Variants in RB1 observed in about 807,000 individuals in gnomAD.
RB1 encodes retinoblastoma-associated protein.
RB1 carries 18 observed loss-of-function variants against 135.4 expected under a neutral mutation model. The observed-to-expected ratio is 0.13, with a 90% CI of 0.09 to 0.20. RB1 has a LOEUF of 0.20. Ranked by LOEUF, RB1 falls within the 10% of genes least tolerant of loss-of-function variation. The pLI, the probability that RB1 is intolerant of heterozygous loss-of-function variation, is 1.00. For missense variants in RB1, 868 were observed against 1,110.0 expected, an observed-to-expected ratio of 0.78 and a Z score of 3.10; for synonymous variants, 365 against 373.2, an observed-to-expected ratio of 0.98 and a Z score of 0.25.
intron 23 of RB1, among the ~76,000 whole-genome samples, chr13:48,471,726 C>T (rs1427219305): frequency 6.6e-6 from 1 of 152,136 alleles, no homozygotes; most frequent in Admixed American, 6.5e-5. Flanking sequence ...AATAGCCAAT[C>T]TGCTAAACAA....
chr13:48,317,640 G>T, intron 2 of RB1: 1 of 499,680 alleles, frequency 2.0e-6, no homozygotes, highest in Non-Finnish European at 3.2e-6. Context: ...TGCTCGCTGA[G>T]AGCCCCTTGG....
At chr13:48,424,937 C>G (rs1303225399) in intron 17 of RB1, among the ~76,000 whole-genome samples, 1 of 151,954 alleles carries the variant, frequency 6.6e-6, no homozygotes, top group Non-Finnish European at 1.5e-5. Context: ...ACCTGTAATC[C>G]CAGCTACTCA....
rs1006267460 is a variant in RB1 at position 48,480,168 on chromosome 13, C to T, written c.*97C>T. The T allele has an allele frequency of 1.2e-5, 12 of 972,662 alleles. No individual in the cohort carries two copies. The highest frequency in any genetic ancestry group is 2.0e-5 in the Non-Finnish European group (12 of 612,756). The allele number at this position is 972,662 out of a possible 1,614,324, so 60.3% of individuals were successfully genotyped here. ...CTTTCCCAGGTTCTGTTTATGGCCACATTTAATATCTTCAGCTCTTTTTGT... is the reference window on the plus strand; with the variant it reads ...CTTTCCCAGGTTCTGTTTATGGCCATATTTAATATCTTCAGCTCTTTTTGT... On this transcript the variant is annotated 3_prime_UTR_variant, in exon 27 of 27. Coordinates refer to ENST00000267163, the MANE Select transcript of RB1 (RefSeq NM_000321.3).
intron 2 of RB1, chr13:48,317,601 C>T (rs1952197483): frequency 2.2e-6 from 1 of 451,162 alleles, no homozygotes. Context: ...CTCGTGAGCG[C>T]TGGTCTTTCT....
At chr13:48,353,622 C>A (rs1356904198) in intron 6 of RB1, among the ~76,000 whole-genome samples, 4 of 151,874 alleles carry the variant, frequency 2.6e-5, no homozygotes, top group Non-Finnish European at 5.9e-5. Context: ...ATACCAAAAC[C>A]AGATAAAGAC....
At chr13:48,394,101 G>T (rs1258873638) in intron 17 of RB1, among the ~76,000 whole-genome samples, 2 of 152,192 alleles carry the variant, frequency 1.3e-5, no homozygotes, top group African/African-American at 4.8e-5. Flanking sequence ...CCCACGGAGG[G>T]CAAGCTGAAG....
chr13:48,345,736 C>A (rs1168146519), intron 4 of RB1, among the ~76,000 whole-genome samples: 4 of 152,116 alleles, frequency 2.6e-5, no homozygotes, highest in Non-Finnish European at 5.9e-5. Context: ...ATGTTTCAGC[C>A]CTTAATTTGG....
chr13:48,442,899 A>G (rs1367331866), intron 17 of RB1, among the ~76,000 whole-genome samples: 2 of 152,182 alleles, frequency 1.3e-5, no homozygotes, highest in East Asian at 1.9e-4. Context: ...AAAATACCCA[A>G]CACCACAAAG....
At chr13:48,348,421 T>G (rs1952517101) in intron 5 of RB1, among the ~76,000 whole-genome samples, 2 of 151,828 alleles carry the variant, frequency 1.3e-5, no homozygotes, top group Admixed American at 1.3e-4. Context: ...TATCAATCTA[T>G]TAATTCCAAC....
At chr13:48,397,926 A>G (rs1356674639) in intron 17 of RB1, among the ~76,000 whole-genome samples, 5 of 152,190 alleles carry the variant, frequency 3.3e-5, no homozygotes, top group Admixed American at 1.3e-4. Flanking sequence ...CCTTTGGTGT[A>G]CTTTGCAGAA....
chr13:48,444,398 T>C (rs1295523270), intron 17 of RB1, among the ~76,000 whole-genome samples: 2 of 152,036 alleles, frequency 1.3e-5, no homozygotes, highest in Admixed American at 1.3e-4. Context: ...GCCCCTGTAG[T>C]CCCAGCTACT....
rs182335134 is a variant in RB1, at chr13:48,421,722, C to G, written c.1696-31271C>G. 5.5e-4 allele frequency among the ~76,000 whole-genome samples: 84 copies of G among 152,308 alleles called. 1 individual carries two copies. The East Asian group carries it at 8.9e-3, about 16-fold the overall frequency. ...AGTGGGTGAAGGATATGAACTGACA[C>G]TTCTCAAAAGAAGACATTTATGTGG... On this transcript the variant is annotated intron_variant, in intron 17 of 26. Transcript: ENST00000267163.
intron 9 of RB1, 85 bp from the exon 10 acceptor site, chr13:48,367,409 A>G (rs1383576256): frequency 2.1e-6 from 3 of 1,438,184 alleles, no homozygotes; most frequent in Non-Finnish European, 2.8e-6. Flanking sequence ...TTATACAAAA[A>G]TTCTTTAATG....
At chr13:48,447,317 G>A (rs1159487403) in intron 17 of RB1, among the ~76,000 whole-genome samples, 1 of 152,088 alleles carries the variant, frequency 6.6e-6, no homozygotes, top group Non-Finnish European at 1.5e-5. Context: ...GTCAAATAGG[G>A]CAGATGCTTC....
rs1238899171 is a variant in RB1 at position 48,319,163 on chromosome 13, G to C, written c.264+11757G>C. The C allele has an allele frequency of 4.0e-5, 24 of 607,556 alleles. No homozygotes were observed. The highest frequency in any genetic ancestry group is 6.4e-5 in the Non-Finnish European group (22 of 342,090). 37.6% of individuals were successfully genotyped at this position (607,556 alleles called of 1,614,324 possible). The stretch of plus-strand genomic sequence containing the variant: ...CGGGAGCTTGTGGGGAATGGTCAGC[G>C]TCTAGGCACCCCGGGCAAGGGTCTG... On this transcript the variant is annotated intron_variant, in intron 2 of 26. Coordinates refer to ENST00000267163, the MANE Select transcript of RB1 (RefSeq NM_000321.3). The surrounding 1 kb of genome is among the most constrained non-coding windows in gnomAD (Gnocchi z 5.0).
In RB1 at chr13:48,381,367, G is replaced by T. The variant is rs769696726; in HGVS notation, c.1619G>T (p.Gly540Val). ...ATCGAAAGTTTTATCAAAGCAGAAG[G>T]CAACTTGACAAGAGAAATGATAAAA... is the stretch of plus-strand genomic sequence containing the variant. Reference protein sequence around the residue: ...KVIESFIKAEGNLTREMIKHL... With the variant: ...KVIESFIKAEVNLTREMIKHL... Residue 540 changes from glycine (G) to valine (V), a missense_variant, in exon 17 of 27, where the codon GGC becomes GTC. Physicochemically the swap from Gly to Val is moderately radical, Grantham distance 109. Around this residue, in one of 3 missense-constraint regions of RB1, gnomAD observed 641 missense variants for 791.3 expected, o/e 0.81. Transcript: ENST00000267163. The T allele has an allele frequency of 1.1e-5, 18 of 1,611,936 alleles. No homozygotes were observed. Among genetic ancestry groups the T allele is most frequent in the Admixed American group, 1.7e-5 (1 of 59,754 alleles).
intron 17 of RB1, chr13:48,413,121 A>G (rs1948846649): frequency 1.2e-5 from 2 of 167,110 alleles, no homozygotes; most frequent in Non-Finnish European, 2.9e-5. Flanking sequence ...TCTGAAGTGA[A>G]AAAGAAAGGC....
intron 17 of RB1, among the ~76,000 whole-genome samples, chr13:48,393,945 C>G (rs920509589): frequency 1.3e-5 from 2 of 152,256 alleles, no homozygotes; most frequent in Admixed American, 6.5e-5. Context: ...TAAGAAAATA[C>G]TTAGGATGGG....
rs117721077 is a variant in RB1, at chr13:48,401,023, A to G, written c.1695+19580A>G. ...TCATGGGACTCCAGCATTGTTAAGT[A>G]TGGGCAGTGTTCACTGTTATATTAC... On this transcript the variant is annotated intron_variant, in intron 17 of 26. Transcript: ENST00000267163. Among the ~76,000 whole-genome samples, 449 of 152,248 alleles carry G rather than the reference A, an allele frequency of 2.9e-3. 1 individual carries two copies. The highest frequency in any genetic ancestry group is 6.8e-3 in the Middle Eastern group (2 of 294).
Sources: allele counts gnomAD v4.1 joint callset (sites outside exome capture counted in the v4.1 genomes callset), GRCh38; gene constraint gnomAD v4.1.1; regional missense constraint gnomAD v4.1.1; non-coding constraint Gnocchi (gnomAD v3.1); transcripts MANE v1.5; gene names NCBI Gene and HGNC (gene_info 2026-07-23, HGNC 2026-07-21).